The following DHX8 variants were observed in gnomAD, a reference collection of about 807,000 sequenced individuals.
DHX8 encodes ATP-dependent RNA helicase DHX8.
DHX8 carries 67 observed loss-of-function variants against 140.7 expected under a neutral mutation model. That is an observed-to-expected ratio of 0.48 (90% CI 0.39 to 0.58). The LOEUF (loss-of-function observed/expected upper bound fraction) is 0.58, where lower values mean the gene tolerates loss of function less well. Among genes scored for constraint, DHX8 ranks in the 20% least tolerant of loss-of-function variants. DHX8 has a pLI of 0.00. For synonymous variants in DHX8, 533 were observed against 553.2 expected (o/e 0.96, Z 0.51); for missense variants, 887 against 1,550.7 (o/e 0.57, Z 7.19).
At chr17:43,543,795 A>G (rs1337047229) in intron 3 of DHX8, 4 of 152,234 alleles carry the variant, frequency 2.6e-5, no homozygotes, top group African/African-American at 9.7e-5. Context: ...TTATTTCCAC[A>G]AAATGTCTTG....
At chr17:43,490,485 G>C in intron 3 of DHX8, 22 bp downstream of exon 3, 1 of 1,599,558 alleles carries the variant, frequency 6.3e-7, no homozygotes, top group Non-Finnish European at 8.6e-7. Flanking sequence ...TTCCAGCTGA[G>C]CTTAGCTTCT....
In DHX8 at chr17:43,484,041, G is replaced by A. The variant is rs772366722; in HGVS notation, c.4G>A (p.Ala2Thr). ...AGGTTCTGGGCAAGCTATAGCCATG[G>A]CTGTGGCTGTAGCCATGGCGGGAGC... M[A>T]VAVAMAGALI... The change falls in exon 1 of 23, where the codon GCT becomes ACT. Residue 2 changes from alanine (A) to threonine (T), a missense_variant. Transcript: ENST00000262415. The A allele has an allele frequency of 1.2e-6, 2 of 1,614,056 alleles. No individual in the cohort carries two copies. Among genetic ancestry groups the A allele is most frequent in the Admixed American group, 1.7e-5 (1 of 60,024 alleles).
At chr17:43,531,691 A>T (rs1420827028), downstream of DHX8, among the ~76,000 whole-genome samples, 2 of 152,036 alleles carry the variant, frequency 1.3e-5, no homozygotes, top group African/African-American at 4.8e-5. Flanking sequence ...ACAGAGCAAG[A>T]CTCTGTCTCA....
Position 43,522,121 on chromosome 17 carries a change from G to T in DHX8, c.3338G>T (p.Arg1113Leu). ...VQKAICSGFF[R>L]NAAKKDPQEG... Reference sequence around the variant, plus strand: ...AAGGCCATCTGCAGTGGGTTCTTCCGTAATGCTGCCAAGAAAGACCCGCAG... The same window carrying T: ...AAGGCCATCTGCAGTGGGTTCTTCCTTAATGCTGCCAAGAAAGACCCGCAG... Residue 1113 changes from arginine to leucine, a missense_variant, in exon 22 of 23, where the codon CGT (arginine) becomes CTT (leucine). Arg to Leu is a moderately radical substitution (Grantham distance 102, BLOSUM62 -2). Transcript: ENST00000262415. 6.2e-7 allele frequency: 1 copy of T among 1,614,098 alleles called. No homozygotes were observed. The highest frequency in any genetic ancestry group is 8.5e-7 in the Non-Finnish European group (1 of 1,180,004).
At chr17:43,526,270 G>C, downstream of DHX8, 2 of 1,342,686 alleles carry the variant, frequency 1.5e-6, no homozygotes, top group South Asian at 1.7e-5. Flanking sequence ...CTCATGCAGA[G>C]AGCTGGGATC....
downstream of DHX8, among the ~76,000 whole-genome samples, chr17:43,530,607 C>CGTGTGTGT (rs1414343747): frequency 5.8e-5 from 8 of 138,628 alleles, no homozygotes; most frequent in African/African-American, 1.5e-4. Context: ...TGTGCACGCG[C>CGTGTGTGT]GCGTGTGTGT....
At chr17:43,484,425 T>C (rs1358199191) in intron 1 of DHX8, among the ~76,000 whole-genome samples, 1 of 152,022 alleles carries the variant, frequency 6.6e-6, no homozygotes, top group Non-Finnish European at 1.5e-5. Context: ...CTCTGCTTGA[T>C]TGTTTTTTGT....
chr17:43,516,302 C>G (rs1173553660), intron 17 of DHX8, among the ~76,000 whole-genome samples: 4 of 152,038 alleles, frequency 2.6e-5, no homozygotes, highest in Non-Finnish European at 5.9e-5. Context: ...TTTTTTTCGC[C>G]TAGTCATTTC....
chr17:43,530,553 A>G, downstream of DHX8: 3 of 649,120 alleles, frequency 4.6e-6, no homozygotes, highest in Non-Finnish European at 6.7e-6. Flanking sequence ...AGACTCCCTC[A>G]GAATGGACAA....
chr17:43,523,878 A>G lies in DHX8; in HGVS notation c.*31A>G. On this transcript the variant is annotated 3_prime_UTR_variant, in exon 23 of 23. Coordinates refer to ENST00000262415, the MANE Select transcript of DHX8 (RefSeq NM_004941.3). ...AAGATTGTTCCTTTGCCTCTCCAGC[A>G]GCAGTAGCCAGGGCTTGGACTTATC... The G allele has an allele frequency of 1.2e-6, 2 of 1,613,392 alleles. No individual in the cohort carries two copies. The highest frequency in any genetic ancestry group is 1.7e-6 in the Non-Finnish European group (2 of 1,179,692).
At chr17:43,506,452 C>T (rs1969500212) in intron 12 of DHX8, among the ~76,000 whole-genome samples, 1 of 151,872 alleles carries the variant, frequency 6.6e-6, no homozygotes, top group South Asian at 2.1e-4. Context: ...AACCCTGTCT[C>T]TACTAAAAGT....
exon 3 of DHX8, chr17:43,536,484 A>T: frequency 6.2e-7 from 1 of 1,614,206 alleles, no homozygotes. Flanking sequence ...CCTGAGCTGC[A>T]GAGAGAAGTC....
At chr17:43,526,715 T>G (rs1425034536), downstream of DHX8, 7 of 1,443,904 alleles carry the variant, frequency 4.8e-6, no homozygotes, top group Non-Finnish European at 9.2e-7. Context: ...CCTTCAGGGT[T>G]TCCACCGATT....
chr17:43,540,390 T>C (rs769567901), intron 3 of DHX8, among the ~76,000 whole-genome samples: 59 of 152,120 alleles, frequency 3.9e-4, no homozygotes, highest in Middle Eastern at 6.8e-3. Flanking sequence ...GAGGTGGAGG[T>C]TGCAGTGAGC....
chr17:43,493,363 T>C, intron 6 of DHX8, 82 bp from the exon 7 acceptor site: 1 of 1,539,924 alleles, frequency 6.5e-7, no homozygotes, highest in East Asian at 2.3e-5. Context: ...CCATTTTCTT[T>C]TGTTAGTTCC....
At chr17:43,491,074 A>T in intron 3 of DHX8, 91 bp from the exon 4 acceptor site, 2 of 524,792 alleles carry the variant, frequency 3.8e-6, no homozygotes, top group Non-Finnish European at 6.4e-6. Flanking sequence ...AGTTTGATAC[A>T]AATCTATTGT....
chr17:43,531,755 G>A (rs569691133), downstream of DHX8, among the ~76,000 whole-genome samples: 3 of 152,272 alleles, frequency 2.0e-5, no homozygotes, highest in Middle Eastern at 3.4e-3. Flanking sequence ...TTGAGAACTA[G>A]CAAGAACCAT....
rs1449477097 is a variant in DHX8, at chr17:43,524,636, C to A, written c.*789C>A. ...ACATATTAAATACAGAAGGTTTCCC[C>A]TTGCTCCCTCCACCTCCCACATTCG... is the stretch of plus-strand genomic sequence containing the variant. On this transcript the variant is annotated 3_prime_UTR_variant, in exon 23 of 23. Transcript: ENST00000262415. 4 of 985,418 alleles carry A rather than the reference C, an allele frequency of 4.1e-6. No homozygotes were observed. The African/African-American group carries it at 5.2e-5, about 13-fold the overall frequency. The allele number at this position is 985,418 out of a possible 1,614,324, so 61.0% of individuals were successfully genotyped here. A position where few individuals can be genotyped will look rare whatever the true frequency, so the allele number is the denominator to read the frequency against.
intron 11 of DHX8, among the ~76,000 whole-genome samples, chr17:43,500,592 A>G (rs902615286): frequency 3.3e-5 from 5 of 152,136 alleles, no homozygotes; most frequent in African/African-American, 1.2e-4. Flanking sequence ...TGGTCAAATC[A>G]TTAGACTGAG....
Sources: gnomAD v4.1 joint callset for allele counts (sites outside exome capture counted in the v4.1 genomes callset) on GRCh38, gnomAD v4.1.1 for gene constraint, MANE v1.5 for transcripts, NCBI Gene and HGNC (gene_info 2026-07-23, HGNC 2026-07-21) for gene names.